The following ZNF248 variants were observed in gnomAD, a reference collection of about 807,000 sequenced individuals.
ZNF248 encodes KRAB protein domain.
ZNF248 carries 20 observed loss-of-function variants against 44.3 expected under a neutral mutation model. The ratio of observed to expected loss-of-function variants is 0.45; its 90% CI spans 0.32 to 0.66. ZNF248 has a LOEUF of 0.66. ZNF248 is among the 30% of genes least tolerant of loss of function. ZNF248 has a pLI of 0.04. For synonymous variants in ZNF248, 224 were observed against 229.0 expected (o/e 0.98, Z 0.20); for missense variants, 654 against 677.0 (o/e 0.97, Z 0.38).
chr10:37,832,346 A>G lies in ZNF248; in HGVS notation c.1009T>C (p.Ser337Pro), dbSNP rs1244283020. ...ACTATTTGATGTTTTAAGAGAGCTGACTTTTCCCAGGTTTTGTCACTCACT... is the reference window on the plus strand; with the variant it reads ...ACTATTTGATGTTTTAAGAGAGCTGGCTTTTCCCAGGTTTTGTCACTCACT... Reference protein sequence around the residue: ...YKVSDKTWEKSALLKHQIVHM... With the variant: ...YKVSDKTWEKPALLKHQIVHM... The change falls in exon 6 of 6, where the codon TCA becomes CCA. Residue 337 changes from serine (S) to proline (P), a missense_variant. Coordinates refer to ENST00000395867, the MANE Select transcript of ZNF248 (RefSeq NM_021045.3). 6.2e-7 allele frequency: 1 copy of G among 1,614,064 alleles called. No individual in the cohort carries two copies. The highest frequency in any genetic ancestry group is 1.7e-5 in the Admixed American group (1 of 59,992).
chr10:37,766,954 G>A, the ZNF248 span, among the ~76,000 whole-genome samples: 1 of 152,174 alleles, frequency 6.6e-6, no homozygotes, highest in Non-Finnish European at 1.5e-5. Context: ...TGAAAGCCAA[G>A]GCTCGAGAAC....
In ZNF248 at chr10:37,797,971, G is replaced by A. The variant is rs573334356; in HGVS notation, c.331-21396C>T. On this transcript the variant is annotated intron_variant, in intron 6 of 6. Transcript: ENST00000615949. Reference sequence around the variant, plus strand: ...GTCTACTCCTAGGTATATATCCAGAGAATTAAAACCATATTTTCATGCAAA... The same window carrying A: ...GTCTACTCCTAGGTATATATCCAGAAAATTAAAACCATATTTTCATGCAAA... Among the ~76,000 whole-genome samples, 78 of 152,146 alleles carry A rather than the reference G, an allele frequency of 5.1e-4. 1 individual carries two copies. Among genetic ancestry groups the A allele is most frequent in the Non-Finnish European group, 1.0e-3 (70 of 67,946 alleles).
chr10:37,822,597 T>A (rs749694579), intron 6 of ZNF248, among the ~76,000 whole-genome samples: 11 of 152,120 alleles, frequency 7.2e-5, no homozygotes, highest in Non-Finnish European at 1.6e-4. Flanking sequence ...ATAAAATGTC[T>A]CTGTTATATT....
chr10:37,819,350 G>C (rs749058385), intron 6 of ZNF248: 201 of 1,188,368 alleles, frequency 1.7e-4, no homozygotes, highest in Non-Finnish European at 2.3e-4. Context: ...AATTATTCTG[G>C]GATGATCCAG....
intron 6 of ZNF248, among the ~76,000 whole-genome samples, chr10:37,816,672 C>G (rs1422911504): frequency 6.6e-6 from 1 of 152,134 alleles, no homozygotes; most frequent in African/African-American, 2.4e-5. Flanking sequence ...TTTGAGTACC[C>G]TTAGATTTGA....
intron 3 of ZNF248, among the ~76,000 whole-genome samples, chr10:37,855,329 G>C (rs2061085686): frequency 6.6e-6 from 1 of 151,998 alleles, no homozygotes; most frequent in African/African-American, 2.4e-5. Flanking sequence ...CATGAACAGA[G>C]GAAGGGAGTG....
chr10:37,777,844 T>G (rs1431137249), intron 6 of ZNF248, among the ~76,000 whole-genome samples: 8 of 152,226 alleles, frequency 5.3e-5, no homozygotes, highest in African/African-American at 1.7e-4. Flanking sequence ...TTTCATCCAT[T>G]TCCCTACAAA....
rs188864025 is a variant in ZNF248, at chr10:37,830,099, C to G, written c.*1516G>C. The G allele has an allele frequency of 2.0e-6, 2 of 985,312 alleles. No individual in the cohort carries two copies. The highest frequency in any genetic ancestry group is 4.7e-5 in the South Asian group (1 of 21,278). The allele number at this position is 985,312 out of a possible 1,614,324, so 61.0% of individuals were successfully genotyped here. On this transcript the variant is annotated 3_prime_UTR_variant, in exon 6 of 6. Transcript: ENST00000395867. ...TACGCAGAACTAGTGTTACATAGAC[C>G]GTGCCCAAACAGATACACAATGAAA...
chr10:37,791,563 G>C (rs1270248791), intron 6 of ZNF248: 1 of 152,082 alleles, frequency 6.6e-6, no homozygotes, highest in Non-Finnish European at 1.5e-5. Flanking sequence ...ACTTGAAATA[G>C]CCACCCCACA....
Position 37,829,121 on chromosome 10 carries a change from A to T in ZNF248, c.*2494T>A. The T allele has an allele frequency of 1.0e-6, 1 of 985,476 alleles. No homozygotes were observed. Among genetic ancestry groups the T allele is most frequent in the Non-Finnish European group, 1.2e-6 (1 of 829,958 alleles). The allele number at this position is 985,476 out of a possible 1,614,324, so 61.0% of individuals were successfully genotyped here. A position where few individuals can be genotyped will look rare whatever the true frequency, so the allele number is the denominator to read the frequency against. ...CCCACCTGGGCTCTCCAGCAGATGT[A>T]TCTGGTTGGTTTCTCCAAAGAGAGA... is the stretch of plus-strand genomic sequence containing the variant. On this transcript the variant is annotated 3_prime_UTR_variant, in exon 6 of 6. Transcript: ENST00000395867.
At chr10:37,803,762 G>A (rs12763409) in intron 6 of ZNF248, 16,587 of 152,714 alleles carry the variant, frequency 0.11, 1,164 homozygotes, top group Admixed American at 0.19. Flanking sequence ...CACTTTCCCT[G>A]AGAATCAAGG....
At position 37,831,561 on chromosome 10, in the gene ZNF248, T is replaced by C; in HGVS notation, c.*54A>G. 6.4e-7 allele frequency: 1 copy of C among 1,556,358 alleles called. No individual in the cohort carries two copies. On this transcript the variant is annotated 3_prime_UTR_variant, in exon 6 of 6. Transcript: ENST00000395867. Reference sequence around the variant, plus strand: ...TGACATTCTTTGGCTTTCTCTGATCTCCTTTTTTGAAACTGTATAACCAAT... The same window carrying C: ...TGACATTCTTTGGCTTTCTCTGATCCCCTTTTTTGAAACTGTATAACCAAT...
At chr10:37,758,676 T>A in the ZNF248 span, among the ~76,000 whole-genome samples, 1 of 152,208 alleles carries the variant, frequency 6.6e-6, no homozygotes, top group African/African-American at 2.4e-5. Context: ...GAAGCAGGAG[T>A]TGCCTCTATT....
At chr10:37,785,467 C>A (rs1380939362) in intron 6 of ZNF248, among the ~76,000 whole-genome samples, 2 of 152,094 alleles carry the variant, frequency 1.3e-5, no homozygotes, top group East Asian at 1.9e-4. Flanking sequence ...GGGAATTGGG[C>A]CTGAACAGGT....
chr10:37,835,881 T>G (rs988144475), intron 5 of ZNF248, among the ~76,000 whole-genome samples: 1 of 152,218 alleles, frequency 6.6e-6, no homozygotes, highest in African/African-American at 2.4e-5. Context: ...ACCTCAACCA[T>G]GTACTTACAC....
At chr10:37,821,050 A>C (rs557989682) in intron 6 of ZNF248, 4 of 948,994 alleles carry the variant, frequency 4.2e-6, no homozygotes, top group Admixed American at 1.9e-5. Flanking sequence ...CATAATTTTA[A>C]TCAGTTATGC....
chr10:37,805,936 CAT>C (rs925121055), intron 6 of ZNF248, among the ~76,000 whole-genome samples: 2 of 152,102 alleles, frequency 1.3e-5, no homozygotes, highest in African/African-American at 2.4e-5. Context: ...GCAGTACAAA[CAT>C]GTACATATGA....
At chr10:37,824,673 ATTTTTT>A (rs755411927), downstream of ZNF248, among the ~76,000 whole-genome samples, 78 of 79,728 alleles carry the variant, frequency 9.8e-4, 1 homozygote, top group Admixed American at 1.3e-3. Context: ...ATTATTTTAA[ATTTTTT>A]TTTTTTTTTT....
At chr10:37,810,140 T>C (rs1011275897) in intron 6 of ZNF248, among the ~76,000 whole-genome samples, 8 of 152,206 alleles carry the variant, frequency 5.3e-5, no homozygotes, top group African/African-American at 1.9e-4. Flanking sequence ...AAAAATAACC[T>C]TAACCTTGAT....
Sources: allele counts gnomAD v4.1 joint callset (sites outside exome capture counted in the v4.1 genomes callset), GRCh38; gene constraint gnomAD v4.1.1; transcripts MANE v1.5; gene names NCBI Gene and HGNC (gene_info 2026-07-23, HGNC 2026-07-21).